MAN2A1: variants seen among roughly 807,000 people sequenced by gnomAD.
The protein encoded by MAN2A1 is mannosidase alpha class 2A member 1.
MAN2A1 carries 76 observed loss-of-function variants against 142.6 expected under a neutral mutation model. The ratio of observed to expected loss-of-function variants is 0.53; its 90% CI spans 0.44 to 0.65. The LOEUF (loss-of-function observed/expected upper bound fraction) is 0.65, where lower values mean the gene tolerates loss of function less well. Ranked by LOEUF, MAN2A1 falls within the 30% of genes least tolerant of loss-of-function variation. The probability of loss-of-function intolerance (pLI) is 0.00; values close to 1 mark genes in which losing one functional copy is unlikely to be tolerated. For synonymous variants in MAN2A1, 559 were observed against 473.2 expected (o/e 1.18, Z -2.35); for missense variants, 1,311 against 1,365.1 (o/e 0.96, Z 0.62).
chr5:109,722,150 A>G (rs183275511), intron 3 of MAN2A1, among the ~76,000 whole-genome samples: 1 of 152,230 alleles, frequency 6.6e-6, no homozygotes, highest in East Asian at 1.9e-4. Flanking sequence ...TATAGGAGGG[A>G]AGTCTTTTAA....
chr5:109,839,768 G>T (rs952838222), intron 16 of MAN2A1, among the ~76,000 whole-genome samples: 2 of 151,552 alleles, frequency 1.3e-5, no homozygotes, highest in Admixed American at 6.6e-5. Flanking sequence ...AGTTGGAAGA[G>T]CAGTATATAC....
chr5:109,838,437 A>G (rs868763549), intron 16 of MAN2A1, among the ~76,000 whole-genome samples: 31 of 152,170 alleles, frequency 2.0e-4, no homozygotes, highest in Admixed American at 6.5e-4. Context: ...TAAAAAAAAT[A>G]GCATTTTTGC....
intron 8 of MAN2A1, among the ~76,000 whole-genome samples, chr5:109,776,737 G>C (rs1470441697): frequency 1.3e-5 from 2 of 152,068 alleles, no homozygotes; most frequent in Non-Finnish European, 2.9e-5. Context: ...TTGTCCCTCA[G>C]ATCTCTTTCC....
At chr5:109,858,322 C>A (rs1755674657) in intron 20 of MAN2A1, among the ~76,000 whole-genome samples, 2 of 152,148 alleles carry the variant, frequency 1.3e-5, no homozygotes, top group Non-Finnish European at 1.5e-5. Flanking sequence ...AAAACCACTT[C>A]TTTAAAGAAT....
At chr5:109,735,731 A>G (rs1026193428) in intron 4 of MAN2A1, among the ~76,000 whole-genome samples, 11 of 152,206 alleles carry the variant, frequency 7.2e-5, no homozygotes, top group Non-Finnish European at 1.6e-4. Flanking sequence ...ATGAGTGAAC[A>G]TTGAATTTTG....
intron 10 of MAN2A1, among the ~76,000 whole-genome samples, 181 bp from the exon 11 acceptor site, chr5:109,788,753 A>G (rs934581966): frequency 2.0e-5 from 3 of 151,760 alleles, no homozygotes; most frequent in Admixed American, 1.3e-4. Context: ...CTTGTCAGTT[A>G]TATCTTCTGA....
intron 4 of MAN2A1, among the ~76,000 whole-genome samples, chr5:109,748,572 A>C (rs1752466191): frequency 6.6e-6 from 1 of 152,172 alleles, no homozygotes; most frequent in Non-Finnish European, 1.5e-5. Flanking sequence ...ATTTTGTTGT[A>C]AATGTTATGG....
At chr5:109,817,147 C>A in intron 12 of MAN2A1, 126 bp from the exon 13 acceptor site, 1 of 873,566 alleles carries the variant, frequency 1.1e-6, no homozygotes. Context: ...GCCTGGGTGA[C>A]AGAGTGAGAC....
At chr5:109,826,674 T>C (rs1010553326) in intron 16 of MAN2A1, among the ~76,000 whole-genome samples, 3 of 152,210 alleles carry the variant, frequency 2.0e-5, no homozygotes, top group African/African-American at 7.2e-5. Flanking sequence ...CCTGGCTGAT[T>C]GTGGTTTTAA....
At chr5:109,736,737 C>G (rs1479368068) in intron 4 of MAN2A1, among the ~76,000 whole-genome samples, 2 of 151,940 alleles carry the variant, frequency 1.3e-5, no homozygotes, top group Non-Finnish European at 2.9e-5. Flanking sequence ...TTTTGCCCAC[C>G]TTACCCTCCT....
At chr5:109,860,221 C>T (rs944775045) in intron 20 of MAN2A1, among the ~76,000 whole-genome samples, 1 of 152,018 alleles carries the variant, frequency 6.6e-6, no homozygotes, top group African/African-American at 2.4e-5. Context: ...CTTTGTTGTA[C>T]GTATCTCAGA....
At chr5:109,839,510 TAAA>T (rs35613493) in intron 16 of MAN2A1, among the ~76,000 whole-genome samples, 1 of 143,172 alleles carries the variant, frequency 7.0e-6, no homozygotes, top group Non-Finnish European at 1.5e-5. Context: ...CTATGGCCAT[TAAA>T]AAAAAAAAAA....
At chr5:109,716,091 C>G (rs756478610) in intron 2 of MAN2A1, 29 bp from the exon 3 acceptor site, 1 of 1,506,494 alleles carries the variant, frequency 6.6e-7, no homozygotes, top group South Asian at 1.2e-5. Context: ...AATTGTTAAA[C>G]TTTAATTTTT....
chr5:109,785,137 A>C (rs1753563664), intron 10 of MAN2A1, among the ~76,000 whole-genome samples: 1 of 152,136 alleles, frequency 6.6e-6, no homozygotes, highest in Non-Finnish European at 1.5e-5. Context: ...ATTGCAATGC[A>C]TTTCTGCAAA....
intron 4 of MAN2A1, among the ~76,000 whole-genome samples, chr5:109,732,754 T>G (rs182906805): frequency 6.9e-4 from 105 of 152,316 alleles, no homozygotes; most frequent in African/African-American, 2.5e-3. Flanking sequence ...CATGCTGTTT[T>G]GGTTACTGTA....
At chr5:109,850,506 A>C (rs188049233) in intron 19 of MAN2A1, among the ~76,000 whole-genome samples, 1 of 152,334 alleles carries the variant, frequency 6.6e-6, no homozygotes, top group Non-Finnish European at 1.5e-5. Flanking sequence ...AGATGTCAAG[A>C]GCCATACCAT....
chr5:109,757,868 C>G (rs1752730260), intron 5 of MAN2A1, among the ~76,000 whole-genome samples: 1 of 152,144 alleles, frequency 6.6e-6, no homozygotes, highest in Non-Finnish European at 1.5e-5. Flanking sequence ...TAGCATATAT[C>G]AGTGCTTCAT....
intron 4 of MAN2A1, among the ~76,000 whole-genome samples, chr5:109,737,457 T>G (rs1040419942): frequency 1.3e-5 from 2 of 152,030 alleles, no homozygotes; most frequent in Non-Finnish European, 2.9e-5. Flanking sequence ...TTTTTTTTTT[T>G]TTGTTACTTA....
intron 16 of MAN2A1, among the ~76,000 whole-genome samples, chr5:109,828,383 A>G (rs574745001): frequency 3.3e-5 from 5 of 152,224 alleles, no homozygotes; most frequent in Non-Finnish European, 7.3e-5. Context: ...AAGATAGAAT[A>G]TAATACAAAC....
Sources: gnomAD v4.1 joint callset for allele counts (sites outside exome capture counted in the v4.1 genomes callset) on GRCh38, gnomAD v4.1.1 for gene constraint, MANE v1.5 for transcripts, NCBI Gene and HGNC (gene_info 2026-07-23, HGNC 2026-07-21) for gene names.